Variants in DENND1B observed in about 807,000 individuals in gnomAD.
The protein encoded by DENND1B is DENN domain-containing protein 1B.
In DENND1B, 59 loss-of-function variants were observed where a neutral mutation model predicts 90.1. That is an observed-to-expected ratio of 0.65 (90% CI 0.53 to 0.81). The LOEUF (loss-of-function observed/expected upper bound fraction) is 0.81, where lower values mean the gene tolerates loss of function less well. DENND1B is among the 40% of genes least tolerant of loss of function. The pLI, the probability that DENND1B is intolerant of heterozygous loss-of-function variation, is 0.00. For synonymous variants in DENND1B, 337 were observed against 324.6 expected, an observed-to-expected ratio of 1.04 and a Z score of -0.41; for missense variants, 862 against 912.6, an observed-to-expected ratio of 0.94 and a Z score of 0.71.
At chr1:197,584,912 A>G (rs1368307941) in intron 14 of DENND1B, among the ~76,000 whole-genome samples, 1 of 152,046 alleles carries the variant, frequency 6.6e-6, no homozygotes, top group Non-Finnish European at 1.5e-5. Context: ...GGCTCAAGTG[A>G]TCTCCCCACC....
At chr1:197,695,027 C>A (rs186881358) in intron 3 of DENND1B, among the ~76,000 whole-genome samples, 6 of 151,222 alleles carry the variant, frequency 4.0e-5, no homozygotes, top group Admixed American at 1.3e-4. Context: ...CTATGTTTTT[C>A]CAAATTAGTT....
chr1:197,562,344 T>A (rs1672240767), intron 15 of DENND1B, among the ~76,000 whole-genome samples: 1 of 151,890 alleles, frequency 6.6e-6, no homozygotes, highest in South Asian at 2.1e-4. Context: ...GTGGCAACCC[T>A]CCATTGAGCA....
chr1:197,758,117 T>C (rs994988270), intron 2 of DENND1B, among the ~76,000 whole-genome samples: 1 of 151,976 alleles, frequency 6.6e-6, no homozygotes, highest in African/African-American at 2.4e-5. Flanking sequence ...CAACTCCTGT[T>C]TGACCTCTCT....
At chr1:197,529,242 A>ATATATATGTGTGTG (rs1553277550) in intron 20 of DENND1B, among the ~76,000 whole-genome samples, 7 of 10,856 alleles carry the variant, frequency 6.4e-4, no homozygotes, top group African/African-American at 1.2e-3. Flanking sequence ...ATATATATAT[A>ATATATATGTGTGTG]TGTGTGTGTG....
chr1:197,550,395 T>C (rs906020644), intron 16 of DENND1B, among the ~76,000 whole-genome samples: 1 of 152,096 alleles, frequency 6.6e-6, no homozygotes, highest in Non-Finnish European at 1.5e-5. Context: ...TTGAGCTGAA[T>C]ACTCAATAAA....
intron 7 of DENND1B, among the ~76,000 whole-genome samples, chr1:197,651,645 CTTTTTTTTTTTTTTTT>C (rs34012616): frequency 4.9e-5 from 3 of 61,522 alleles, no homozygotes; most frequent in African/African-American, 7.4e-5. Context: ...ATCAATGCTT[CTTTTTTTTTTTTTTTT>C]TTTTTTTTTT....
At chr1:197,745,975 G>T (rs1387182641) in intron 2 of DENND1B, among the ~76,000 whole-genome samples, 2 of 152,102 alleles carry the variant, frequency 1.3e-5, no homozygotes, top group Non-Finnish European at 2.9e-5. Context: ...TAACATTAAG[G>T]TCAAGTCATT....
At chr1:197,699,605 G>A (rs945059894) in intron 3 of DENND1B, among the ~76,000 whole-genome samples, 1 of 152,100 alleles carries the variant, frequency 6.6e-6, no homozygotes, top group Admixed American at 6.6e-5. Context: ...AATAGGAAGA[G>A]AGGAAGTCAA....
At chr1:197,761,746 A>AT (rs1332155365) in intron 2 of DENND1B, 3 of 152,100 alleles carry the variant, frequency 2.0e-5, no homozygotes, top group African/African-American at 7.2e-5. Context: ...GGAATCATAT[A>AT]TATCTGCAGA....
At chr1:197,607,299 A>G (rs1676772586) in intron 12 of DENND1B, 125 bp from the exon 13 acceptor site, 5 of 542,528 alleles carry the variant, frequency 9.2e-6, no homozygotes, top group African/African-American at 2.0e-5. Flanking sequence ...GGAAAATCCT[A>G]TATTATGAAA....
intron 20 of DENND1B, among the ~76,000 whole-genome samples, chr1:197,528,873 ATTC>A (rs1669345179): frequency 6.6e-6 from 1 of 151,338 alleles, no homozygotes; most frequent in African/African-American, 2.4e-5. Flanking sequence ...AAAAAAAAAA[ATTC>A]TTATTTGTGC....
At chr1:197,666,857 A>C (rs1654985575) in intron 5 of DENND1B, among the ~76,000 whole-genome samples, 1 of 152,218 alleles carries the variant, frequency 6.6e-6, no homozygotes, top group Non-Finnish European at 1.5e-5. Context: ...TTGGTTACAT[A>C]GTGAAATAAG....
chr1:197,585,659 C>T (rs966303540), intron 14 of DENND1B, among the ~76,000 whole-genome samples: 5 of 152,302 alleles, frequency 3.3e-5, no homozygotes, highest in South Asian at 2.1e-4. Context: ...TTGATTAACA[C>T]GGTTTATTTA....
At chr1:197,559,751 T>C (rs1397531851) in intron 15 of DENND1B, among the ~76,000 whole-genome samples, 1 of 151,978 alleles carries the variant, frequency 6.6e-6, no homozygotes, top group African/African-American at 2.4e-5. Flanking sequence ...TATTTCTTCT[T>C]AGAAATGTTC....
At chr1:197,516,789 A>C (rs963778165) in intron 20 of DENND1B, among the ~76,000 whole-genome samples, 5 of 151,984 alleles carry the variant, frequency 3.3e-5, no homozygotes, top group South Asian at 2.1e-4. Flanking sequence ...CATTATTAAA[A>C]ACATGCATAT....
chr1:197,570,858 T>C (rs927378352), intron 15 of DENND1B, among the ~76,000 whole-genome samples: 1 of 152,190 alleles, frequency 6.6e-6, no homozygotes, highest in Non-Finnish European at 1.5e-5. Context: ...GCACCCAACA[T>C]TGACAAGGTC....
At chr1:197,766,277 T>C (rs1470230274) in intron 2 of DENND1B, among the ~76,000 whole-genome samples, 1 of 152,178 alleles carries the variant, frequency 6.6e-6, no homozygotes, top group Non-Finnish European at 1.5e-5. Flanking sequence ...ACAGTTTGCA[T>C]TACTCTAATT....
At chr1:197,748,740 G>A (rs1253646545) in intron 2 of DENND1B, among the ~76,000 whole-genome samples, 1 of 152,126 alleles carries the variant, frequency 6.6e-6, no homozygotes, top group Non-Finnish European at 1.5e-5. Context: ...TGACATCTTG[G>A]TTTTTGCTCA....
intron 10 of DENND1B, among the ~76,000 whole-genome samples, chr1:197,618,751 T>C (rs1291100101): frequency 2.0e-5 from 3 of 151,162 alleles, no homozygotes; most frequent in Non-Finnish European, 4.4e-5. Context: ...GATTAAATTA[T>C]TTTATTCAAC....
Sources: allele counts gnomAD v4.1 joint callset (sites outside exome capture counted in the v4.1 genomes callset), GRCh38; gene constraint gnomAD v4.1.1; transcripts MANE v1.5; gene names NCBI Gene and HGNC (gene_info 2026-07-23, HGNC 2026-07-21).